The following ATOSA variants were observed in gnomAD, a reference collection of about 807,000 sequenced individuals.
ATOSA encodes atos homolog A.
the ATOSA span, among the ~76,000 whole-genome samples, chr15:52,624,617 C>T: frequency 2.6e-5 from 4 of 152,142 alleles, no homozygotes; most frequent in East Asian, 1.9e-4. Flanking sequence ...AAATTCAGCA[C>T]GATTTGACAG....
the ATOSA span, among the ~76,000 whole-genome samples, chr15:52,617,609 T>C: frequency 2.6e-5 from 4 of 152,174 alleles, no homozygotes; most frequent in South Asian, 8.3e-4. Context: ...ATAACTCATT[T>C]TTCAGAGATA....
chr15:52,620,763 C>T, the ATOSA span, among the ~76,000 whole-genome samples: 1 of 152,014 alleles, frequency 6.6e-6, no homozygotes, highest in Non-Finnish European at 1.5e-5. Flanking sequence ...GCCTGGGCAA[C>T]GTGGCAAAAC....
At chr15:52,615,250 G>T in the ATOSA span, among the ~76,000 whole-genome samples, 1 of 152,148 alleles carries the variant, frequency 6.6e-6, no homozygotes, top group South Asian at 2.1e-4. Context: ...ACGTAGTTAT[G>T]GTAATTTAAA....
the ATOSA span, among the ~76,000 whole-genome samples, chr15:52,655,603 G>C: frequency 1.5e-4 from 23 of 152,120 alleles, no homozygotes; most frequent in Admixed American, 1.5e-3. Flanking sequence ...TGTCTGCAAT[G>C]TTGGTATGTT....
the ATOSA span, chr15:52,658,567 G>A: frequency 3.1e-6 from 1 of 326,654 alleles, no homozygotes; most frequent in African/African-American, 2.3e-5. Context: ...CGCACTTAAT[G>A]GGAATAAATT....
chr15:52,644,377 A>C, the ATOSA span, among the ~76,000 whole-genome samples: 6 of 152,152 alleles, frequency 3.9e-5, no homozygotes, highest in Admixed American at 3.9e-4. Flanking sequence ...ATCTCATCTG[A>C]TCCTATTACC....
chr15:52,634,619 T>C, the ATOSA span, among the ~76,000 whole-genome samples: 2 of 101,748 alleles, frequency 2.0e-5, no homozygotes, highest in Admixed American at 1.0e-4. Flanking sequence ...TTTTTTTTTT[T>C]GAGACAGAGT....
At chr15:52,691,957 A>G in the ATOSA span, among the ~76,000 whole-genome samples, 7 of 152,196 alleles carry the variant, frequency 4.6e-5, no homozygotes, top group African/African-American at 1.4e-4. Flanking sequence ...CCATCAAAGA[A>G]CAGATCATGC....
chr15:52,677,064 AC>A, the ATOSA span, among the ~76,000 whole-genome samples: 1 of 152,218 alleles, frequency 6.6e-6, no homozygotes, highest in Non-Finnish European at 1.5e-5. Flanking sequence ...ATTTCAATAG[AC>A]CTATTTTACC....
the ATOSA span, chr15:52,610,095 C>A: frequency 6.2e-7 from 1 of 1,613,958 alleles, no homozygotes. Context: ...GTGCCATGGT[C>A]CAAGTTTGTT....
the ATOSA span, chr15:52,600,359 C>T: frequency 1.8e-6 from 1 of 541,176 alleles, no homozygotes; most frequent in Non-Finnish European, 3.2e-6. Context: ...GCTCATACAG[C>T]TCAAACTCCT....
chr15:52,613,930 A>G, the ATOSA span: 4 of 1,165,698 alleles, frequency 3.4e-6, no homozygotes, highest in South Asian at 1.3e-5. Context: ...TCTGCCTAAA[A>G]TAACTAATGT....
chr15:52,705,197 C>G, the ATOSA span, among the ~76,000 whole-genome samples: 1 of 152,056 alleles, frequency 6.6e-6, no homozygotes, highest in Non-Finnish European at 1.5e-5. Flanking sequence ...AGTTCATGTC[C>G]TTTTGCAGGG....
At chr15:52,653,702 G>T in the ATOSA span, among the ~76,000 whole-genome samples, 4 of 152,088 alleles carry the variant, frequency 2.6e-5, no homozygotes, top group East Asian at 1.9e-4. Flanking sequence ...CTAGTCACAG[G>T]CCCACTGTAC....
the ATOSA span, among the ~76,000 whole-genome samples, chr15:52,654,512 C>G: frequency 6.6e-6 from 1 of 152,226 alleles, no homozygotes; most frequent in African/African-American, 2.4e-5. Context: ...TGAAATTATA[C>G]ACAAGTGTTA....
chr15:52,605,222 C>T, the ATOSA span: 6 of 1,609,630 alleles, frequency 3.7e-6, no homozygotes, highest in Middle Eastern at 1.6e-4. Context: ...TTTCGCCACA[C>T]ATTTGAATGT....
chr15:52,673,956 C>G, the ATOSA span, among the ~76,000 whole-genome samples: 1 of 152,108 alleles, frequency 6.6e-6, no homozygotes, highest in Non-Finnish European at 1.5e-5. Flanking sequence ...ACCTCAAAAA[C>G]AAAAACCACA....
the ATOSA span, among the ~76,000 whole-genome samples, chr15:52,674,701 C>T: frequency 6.6e-6 from 1 of 152,012 alleles, no homozygotes; most frequent in African/African-American, 2.4e-5. Flanking sequence ...TGAACACTAT[C>T]AATGCAAAAC....
the ATOSA span, among the ~76,000 whole-genome samples, chr15:52,614,386 A>T: frequency 1.3e-5 from 2 of 151,320 alleles, no homozygotes. Flanking sequence ...GATTACAGGC[A>T]TGAGCCACTG....
Sources: allele counts gnomAD v4.1 joint callset (sites outside exome capture counted in the v4.1 genomes callset), GRCh38; gene constraint gnomAD v4.1.1; transcripts MANE v1.5; gene names NCBI Gene and HGNC (gene_info 2026-07-23, HGNC 2026-07-21).